The following SLC7A6 variants were observed in gnomAD, a reference collection of about 807,000 sequenced individuals.
The protein encoded by SLC7A6 is solute carrier family 7 member 6, also known as Y+L amino acid transporter 2.
In SLC7A6, 29 loss-of-function variants were observed where a neutral mutation model predicts 46.6. That is an observed-to-expected ratio of 0.62 (90% CI 0.46 to 0.85). The LOEUF (loss-of-function observed/expected upper bound fraction) is 0.85. Ranked by LOEUF, SLC7A6 falls within the 40% of genes least tolerant of loss-of-function variation. SLC7A6 has a pLI of 0.00. For missense variants in SLC7A6, 527 were observed against 647.6 expected (o/e 0.81, Z 2.02); for synonymous variants, 276 against 257.3 (o/e 1.07, Z -0.70).
chr16:68,294,295 A>G (rs1165861148), intron 7 of SLC7A6, among the ~76,000 whole-genome samples: 1 of 152,164 alleles, frequency 6.6e-6, no homozygotes, highest in Non-Finnish European at 1.5e-5. Context: ...CAGCTCAGGG[A>G]AAATATATGG....
intron 4 of SLC7A6, 105 bp downstream of exon 4, chr16:68,287,976 T>C: frequency 6.8e-7 from 1 of 1,474,816 alleles, no homozygotes; most frequent in South Asian, 1.3e-5. Flanking sequence ...ATGTACATGC[T>C]AGCATGTGTC....
At chr16:68,269,970 A>G (rs917367234) in intron 2 of SLC7A6, among the ~76,000 whole-genome samples, 7 of 151,924 alleles carry the variant, frequency 4.6e-5, no homozygotes, top group African/African-American at 1.4e-4. Flanking sequence ...GGGTCTTGCT[A>G]TGTTGCCCAG....
At position 68,264,964 on chromosome 16, in the gene SLC7A6, G is replaced by A. The variant is rs1055906272; in HGVS notation, c.-166+388G>A. 2.9e-4 allele frequency among the ~76,000 whole-genome samples: 44 copies of A among 152,280 alleles called. No homozygotes were observed. The highest frequency in any genetic ancestry group is 9.9e-4 in the African/African-American group (41 of 41,572). On this transcript the variant is annotated intron_variant, in intron 1 of 10. Transcript: ENST00000219343. This position sits in a 1 kb window ranked among gnomAD's most constrained non-coding sequence, Gnocchi z 5.8. ...GGACGCTGAGTGCGCGGGCCGCGCC[G>A]CGAGCGTGAGACTGTGCGACGGTGA... is the stretch of plus-strand genomic sequence containing the variant.
intron 2 of SLC7A6, chr16:68,273,785 T>TA (rs968472803): frequency 6.6e-6 from 1 of 151,630 alleles, no homozygotes; most frequent in Non-Finnish European, 1.5e-5. Flanking sequence ...ATTTTTTTTT[T>TA]TTTTTTGAGA....
chr16:68,291,929 ATGTGCTGGTAGCTCATATTTTG>A (rs2043063606), intron 7 of SLC7A6: 3 of 392,414 alleles, frequency 7.6e-6, no homozygotes, highest in Non-Finnish European at 1.4e-5. Flanking sequence ...GCTCATATTT[ATGTGCTGGTAGCTCATATTTTG>A]TGTGCTGGTA....
rs148178712 is a variant in SLC7A6 at position 68,287,804 on chromosome 16, G to T, written c.582G>T (p.Thr194=). The T allele has an allele frequency of 6.2e-7, 1 of 1,614,206 alleles. No homozygotes were observed. The highest frequency in any genetic ancestry group is 8.5e-7 in the Non-Finnish European group (1 of 1,180,022). ...YVKWGTRVQD[T]FTYAKVVALI... is the part of the protein sequence containing the mutation. ...AGTGGGGCACACGTGTGCAGGACAC[G>T]TTCACTTACGCCAAGGTCGTAGCGC... The change falls in exon 4 of 11, where the codon ACG becomes ACT. Residue 194 remains threonine (T), a synonymous_variant. Coordinates refer to ENST00000219343, the MANE Select transcript of SLC7A6 (RefSeq NM_003983.6).
chr16:68,283,862 T>C (rs964135816), intron 3 of SLC7A6, among the ~76,000 whole-genome samples: 1 of 152,156 alleles, frequency 6.6e-6, no homozygotes, highest in Non-Finnish European at 1.5e-5. Context: ...GTTGTTGACT[T>C]TGTTTGAACT....
chr16:68,294,768 G>A lies in SLC7A6; in HGVS notation c.1086G>A (p.Glu362=), dbSNP rs1321816332. 28 of 1,613,964 alleles carry A rather than the reference G, an allele frequency of 1.7e-5. No homozygotes were observed. The highest frequency in any genetic ancestry group is 2.2e-5 in the Non-Finnish European group (26 of 1,179,960). ...LPDLLSMIHI[E]RFTPIPALLF... is the part of the protein sequence containing the mutation. The stretch of plus-strand genomic sequence containing the variant: ...ACCTTCTGTCCATGATCCACATTGA[G>A]CGTTTTACACCTATCCCTGCTTTAC... Residue 362 remains glutamate, a synonymous_variant, in exon 8 of 11, where the codon GAG becomes GAA. Transcript: ENST00000219343.
intron 3 of SLC7A6, among the ~76,000 whole-genome samples, chr16:68,283,806 G>A (rs914994416): frequency 6.6e-6 from 1 of 152,222 alleles, no homozygotes; most frequent in African/African-American, 2.4e-5. Flanking sequence ...AGGCTTGGAT[G>A]TTTTAATTGT....
At chr16:68,290,723 C>CG (rs758699782) in intron 5 of SLC7A6, 183 bp downstream of exon 5, 72 of 712,332 alleles carry the variant, frequency 1.0e-4, no homozygotes, top group Non-Finnish European at 5.1e-5. Flanking sequence ...GGAAAGCCTT[C>CG]GGCTCCCTGT....
intron 3 of SLC7A6, among the ~76,000 whole-genome samples, chr16:68,283,782 C>T (rs1413618429): frequency 5.3e-5 from 8 of 152,208 alleles, no homozygotes; most frequent in Admixed American, 2.6e-4. Context: ...GAAATGAGAT[C>T]AGGAGAAGAG....
Position 68,290,506 on chromosome 16 carries a change from A to C in SLC7A6, c.760A>C (p.Asn254His). ...CTCTTACTCAGGTTGGGACACCCTT[A>C]ATTTTGTAACAGAAGAAATCAAAAA... ...LFSYSGWDTL[N>H]FVTEEIKNPE... The change falls in exon 5 of 11, where the codon AAT (asparagine) becomes CAT (histidine). Residue 254 changes from asparagine (N) to histidine (H), a missense_variant. Coordinates refer to ENST00000219343, the MANE Select transcript of SLC7A6 (RefSeq NM_003983.6). 1 of 1,614,170 alleles carries C rather than the reference A, an allele frequency of 6.2e-7. No homozygotes were observed. Among genetic ancestry groups the C allele is most frequent in the Non-Finnish European group, 8.5e-7 (1 of 1,180,028 alleles).
chr16:68,294,635 C>A, intron 7 of SLC7A6, 70 bp from the exon 8 acceptor site: 2 of 1,143,268 alleles, frequency 1.7e-6, no homozygotes, highest in Non-Finnish European at 2.6e-6. Flanking sequence ...TGAGTTTGTC[C>A]AAGTGAGGAG....
Position 68,301,262 on chromosome 16 carries a change from C to T in SLC7A6, c.*3934C>T. The stretch of plus-strand genomic sequence containing the variant: ...AGGGCATGTGGCAGAACCTCATGGA[C>T]ATCACAAGACCATCAGTCTGAATCC... On this transcript the variant is annotated 3_prime_UTR_variant, in exon 11 of 11. Coordinates refer to ENST00000219343, the MANE Select transcript of SLC7A6 (RefSeq NM_003983.6). 1 of 1,613,206 alleles carries T rather than the reference C, an allele frequency of 6.2e-7. No homozygotes were observed. The highest frequency in any genetic ancestry group is 8.5e-7 in the Non-Finnish European group (1 of 1,179,416).
intron 3 of SLC7A6, 38 bp downstream of exon 3, chr16:68,275,287 G>A: frequency 6.4e-7 from 1 of 1,573,868 alleles, no homozygotes. Flanking sequence ...GTTGGGGGGT[G>A]GGGGGTACTA....
At position 68,299,346 on chromosome 16, in the gene SLC7A6, A is replaced by C. The variant is rs2043228615; in HGVS notation, c.*2018A>C. The C allele has an allele frequency of 6.6e-6, 1 of 152,658 alleles. No individual in the cohort carries two copies. The highest frequency in any genetic ancestry group is 2.4e-5 in the African/African-American group (1 of 41,472). The allele number at this position is 152,658 out of a possible 1,614,324, so 9.5% of individuals were successfully genotyped here. On this transcript the variant is annotated 3_prime_UTR_variant, in exon 11 of 11. Transcript: ENST00000219343. Reference sequence around the variant, plus strand: ...GGCTTCTAGGGAAAGCAAGGACCTCACATGCCAGGTGCCCTAGTACTTGCT... The same window carrying C: ...GGCTTCTAGGGAAAGCAAGGACCTCCCATGCCAGGTGCCCTAGTACTTGCT...
chr16:68,296,674 G>A lies in SLC7A6; in HGVS notation c.1317G>A (p.Leu439=). ...PIVFCICSVF[L]VIVPLFTDTI... is the part of the protein sequence containing the mutation. ...TGTTCTGCATATGCTCCGTGTTTCT[G>A]GTGATAGTGCCCCTCTTCACTGACA... The change falls in exon 10 of 11, where the codon CTG becomes CTA. Residue 439 remains leucine (L), a synonymous_variant. Coordinates refer to ENST00000219343, the MANE Select transcript of SLC7A6 (RefSeq NM_003983.6). 6.2e-7 allele frequency: 1 copy of A among 1,614,162 alleles called. No homozygotes were observed. The highest frequency in any genetic ancestry group is 8.5e-7 in the Non-Finnish European group (1 of 1,180,016).
chr16:68,289,380 G>A (rs1177876662), intron 4 of SLC7A6, among the ~76,000 whole-genome samples: 2 of 152,202 alleles, frequency 1.3e-5, no homozygotes, highest in African/African-American at 4.8e-5. Context: ...TATCAAGTTA[G>A]TAGAGCTAGC....
In SLC7A6 at chr16:68,300,517, A is replaced by T; in HGVS notation, c.*3189A>T. The T allele has an allele frequency of 1.4e-6, 1 of 719,662 alleles. No individual in the cohort carries two copies. The highest frequency in any genetic ancestry group is 1.7e-6 in the Non-Finnish European group (1 of 587,334). The allele number at this position is 719,662 out of a possible 1,614,324, so 44.6% of individuals were successfully genotyped here. A position where few individuals can be genotyped will look rare whatever the true frequency, so the allele number is the denominator to read the frequency against. ...TACTTTGTTTTTCCTCCCTTGCCTT[A>T]AGTCCTTGGTATTTATAATCAATGC... On this transcript the variant is annotated 3_prime_UTR_variant, in exon 11 of 11. Coordinates refer to ENST00000219343, the MANE Select transcript of SLC7A6 (RefSeq NM_003983.6).
Sources: gnomAD v4.1 joint callset for allele counts (sites outside exome capture counted in the v4.1 genomes callset) on GRCh38, gnomAD v4.1.1 for gene constraint, Gnocchi (gnomAD v3.1) non-coding constraint, MANE v1.5 for transcripts, NCBI Gene and HGNC (gene_info 2026-07-23, HGNC 2026-07-21) for gene names.